The following SRFBP1 variants were observed in gnomAD, a reference collection of about 807,000 sequenced individuals.
The protein encoded by SRFBP1 is serum response factor-binding protein 1.
A neutral mutation model predicts 45.5 loss-of-function variants in SRFBP1; 47 were observed. The observed-to-expected ratio is 1.03, with a 90% confidence interval of 0.82 to 1.32. The LOEUF (loss-of-function observed/expected upper bound fraction) is 1.32, where lower values mean the gene tolerates loss of function less well. Ranked by LOEUF, SRFBP1 falls within the 40% of genes most tolerant of loss-of-function variation. The probability of loss-of-function intolerance (pLI) is 0.00; values close to 1 mark genes in which losing one functional copy is unlikely to be tolerated. For missense variants in SRFBP1, 621 were observed against 484.6 expected, an observed-to-expected ratio of 1.28 and a Z score of -2.64; for synonymous variants, 203 against 166.3, an observed-to-expected ratio of 1.22 and a Z score of -1.70.
At chr5:122,007,984 A>G (rs1199407436) in intron 4 of SRFBP1, among the ~76,000 whole-genome samples, 1 of 151,320 alleles carries the variant, frequency 6.6e-6, no homozygotes, top group African/African-American at 2.4e-5. Context: ...TGGGGTCGGT[A>G]TATATCCTGA....
At chr5:122,033,694 G>A (rs1430065265) in intron 2 of SRFBP1, among the ~76,000 whole-genome samples, 1 of 151,756 alleles carries the variant, frequency 6.6e-6, no homozygotes, top group East Asian at 1.9e-4. Flanking sequence ...CCTGACCTCA[G>A]GTGATCTACC....
chr5:122,027,384 G>T lies in SRFBP1; in HGVS notation c.*258G>T. Reference sequence around the variant, plus strand: ...AACTCGTATTTGAATAAGTCTCTTGGGGAGAATTATAGAATGTTTGTTTTT... The same window carrying T: ...AACTCGTATTTGAATAAGTCTCTTGTGGAGAATTATAGAATGTTTGTTTTT... On this transcript the variant is annotated 3_prime_UTR_variant, in exon 8 of 8. Transcript: ENST00000339397. The T allele has an allele frequency of 4.1e-6, 1 of 246,734 alleles. No homozygotes were observed. The allele number at this position is 246,734 out of a possible 1,614,324, so 15.3% of individuals were successfully genotyped here.
chr5:121,974,234 T>A lies in SRFBP1; in HGVS notation c.75T>A (p.Val25=). The stretch of plus-strand genomic sequence containing the variant: ...GAAAAGAAGTGAAGAGAATTCGAGT[T>A]TTAGTTATCCGAAAACTTGTCAGGA... ...KMRKEVKRIR[V]LVIRKLVRSV... is the part of the protein sequence containing the mutation. The change falls in exon 2 of 8, where the codon GTT becomes GTA. Residue 25 remains valine (V), a synonymous_variant. Transcript: ENST00000339397. 6.2e-7 allele frequency: 1 copy of A among 1,611,584 alleles called. No homozygotes were observed. The highest frequency in any genetic ancestry group is 8.5e-7 in the Non-Finnish European group (1 of 1,178,236).
At chr5:122,012,730 T>G (rs1753120469) in intron 4 of SRFBP1, among the ~76,000 whole-genome samples, 2 of 152,258 alleles carry the variant, frequency 1.3e-5, no homozygotes, top group Admixed American at 6.5e-5. Context: ...ATTAAATAAT[T>G]TTTAATTCAA....
intron 2 of SRFBP1, among the ~76,000 whole-genome samples, chr5:122,036,184 G>A (rs551969129): frequency 1.2e-3 from 182 of 152,252 alleles, no homozygotes; most frequent in Middle Eastern, 3.4e-3. Flanking sequence ...GAGCATTTTT[G>A]TATGCATAAG....
At chr5:122,029,957 C>T (rs1329317680), downstream of SRFBP1, among the ~76,000 whole-genome samples, 1 of 152,156 alleles carries the variant, frequency 6.6e-6, no homozygotes, top group Non-Finnish European at 1.5e-5. Context: ...AAATTGATTA[C>T]CATTATCGAG....
intron 4 of SRFBP1, among the ~76,000 whole-genome samples, chr5:121,997,423 C>T (rs1285106677): frequency 6.6e-6 from 1 of 151,598 alleles, no homozygotes; most frequent in Non-Finnish European, 1.5e-5. Context: ...GAAAGGATTC[C>T]CTATTTAATA....
chr5:121,998,249 A>G (rs1033150788), intron 4 of SRFBP1, among the ~76,000 whole-genome samples: 5 of 152,000 alleles, frequency 3.3e-5, no homozygotes, highest in African/African-American at 1.2e-4. Flanking sequence ...GCAATAGCAA[A>G]GACTTGGAAC....
chr5:121,965,824 A>G (rs1752052527), intron 1 of SRFBP1, among the ~76,000 whole-genome samples: 1 of 152,218 alleles, frequency 6.6e-6, no homozygotes, highest in African/African-American at 2.4e-5. Context: ...ATCTATGAGC[A>G]TGGAATGTTT....
rs150993730 is a variant in SRFBP1 at position 121,974,278 on chromosome 5, C to T, written c.119C>T (p.Ser40Leu). ...KLVRSVGRLKSKKGTEDALLK... is the reference protein window; with the variant it reads ...KLVRSVGRLKLKKGTEDALLK... The stretch of plus-strand genomic sequence containing the variant: ...GTCAGGAGTGTTGGCCGACTGAAGT[C>T]AAAAAAGTTAGTCATTTAAAGTAAT... The change falls in exon 2 of 8, where the codon TCA becomes TTA. Residue 40 changes from serine (S) to leucine (L), a missense_variant. Ser to Leu is a moderately radical substitution (Grantham distance 145). Transcript: ENST00000339397. 1,355 of 1,608,506 alleles carry T rather than the reference C, an allele frequency of 8.4e-4. 7 individuals carry two copies. In the African/African-American group the frequency reaches 0.012, roughly 15 times the overall value.
downstream of SRFBP1, among the ~76,000 whole-genome samples, chr5:122,028,915 C>G (rs748434508): frequency 5.3e-5 from 8 of 152,086 alleles, no homozygotes; most frequent in Non-Finnish European, 7.4e-5. Context: ...AATTTGTTAG[C>G]TGTTAGCTAT....
chr5:122,077,132 A>C, downstream of SRFBP1: 1 of 1,480,820 alleles, frequency 6.8e-7, no homozygotes, highest in East Asian at 2.4e-5. The surrounding 1 kb of genome is among the most constrained non-coding windows in gnomAD (Gnocchi z 4.9). Context: ...GGAGGACAGC[A>C]AGAGAACTGG....
chr5:122,078,058 C>T, downstream of SRFBP1: 1 of 1,350,638 alleles, frequency 7.4e-7, no homozygotes, highest in East Asian at 2.8e-5. Context: ...GCTCAAATCA[C>T]GTGAGGGAAG....
At position 121,973,145 on chromosome 5, in the gene SRFBP1, A is replaced by ATATTAAATATTTCTTTATATATT. The variant is rs1218047540; in HGVS notation, c.37-1051_37-1050insTATTAAATATTTCTTTATATATT. On this transcript the variant is annotated intron_variant, in intron 1 of 7. Coordinates refer to ENST00000339397, the MANE Select transcript of SRFBP1 (RefSeq NM_152546.3). The stretch of plus-strand genomic sequence containing the variant: ...CCAGGCACTCTTGCAGGGCAAAGAA[A>ATATTAAATATTTCTTTATATATT]ACACTATATAAATATTACAAGACTC... 1.2e-3 allele frequency among the ~76,000 whole-genome samples: 177 copies of ATATTAAATATTTCTTTATATATT among 152,028 alleles called. 1 individual carries two copies. The highest frequency in any genetic ancestry group is 4.1e-3 in the African/African-American group (171 of 41,550).
chr5:122,077,596 C>T (rs776823071), downstream of SRFBP1: 5 of 1,612,428 alleles, frequency 3.1e-6, no homozygotes, highest in Non-Finnish European at 4.2e-6. The surrounding 1 kb of genome is among the most constrained non-coding windows in gnomAD (Gnocchi z 4.9). Context: ...CTCTAGATGT[C>T]GAGTAGCCAG....
At chr5:121,971,443 C>G (rs1438266004) in intron 1 of SRFBP1, among the ~76,000 whole-genome samples, 1 of 151,824 alleles carries the variant, frequency 6.6e-6, no homozygotes, top group Non-Finnish European at 1.5e-5. Flanking sequence ...TGAAACCCCC[C>G]CTCCCCACAA....
chr5:122,000,365 A>G (rs549758059), intron 4 of SRFBP1, among the ~76,000 whole-genome samples: 27 of 150,664 alleles, frequency 1.8e-4, no homozygotes, highest in African/African-American at 6.2e-4. Context: ...TCATTTTTAT[A>G]CTTTCACTTA....
intron 6 of SRFBP1, among the ~76,000 whole-genome samples, chr5:122,021,282 G>A (rs1753316567): frequency 6.6e-6 from 1 of 152,084 alleles, no homozygotes; most frequent in Admixed American, 6.6e-5. Context: ...TTTATTTGAT[G>A]ATGTTGCTGT....
intron 4 of SRFBP1, among the ~76,000 whole-genome samples, chr5:122,000,323 TCA>T (rs1752834068): frequency 6.6e-6 from 1 of 152,072 alleles, no homozygotes; most frequent in South Asian, 2.1e-4. Flanking sequence ...AACATTCAGT[TCA>T]GTTTTGACAT....
Sources: allele counts gnomAD v4.1 joint callset (sites outside exome capture counted in the v4.1 genomes callset), GRCh38; gene constraint gnomAD v4.1.1; non-coding constraint Gnocchi (gnomAD v3.1); transcripts MANE v1.5; gene names NCBI Gene and HGNC (gene_info 2026-07-23, HGNC 2026-07-21).